Variants in ABCC1 observed in about 807,000 individuals in gnomAD.
ABCC1 encodes the protein ATP binding cassette subfamily C member 1 (ABCC1 blood group).
Under a neutral mutation model 172.9 loss-of-function variants are expected in ABCC1, and 83 were observed. The ratio of observed to expected loss-of-function variants is 0.48; its 90% CI spans 0.40 to 0.58. The LOEUF is 0.58. Ranked by LOEUF, ABCC1 falls within the 20% of genes least tolerant of loss-of-function variation. ABCC1 has a pLI of 0.00. For synonymous variants in ABCC1, 937 were observed against 825.2 expected, an observed-to-expected ratio of 1.14 and a Z score of -2.32; for missense variants, 1,817 against 2,002.7, an observed-to-expected ratio of 0.91 and a Z score of 1.77.
At chr16:16,041,661 G>A (rs1162904699) in intron 7 of ABCC1, among the ~76,000 whole-genome samples, 1 of 152,160 alleles carries the variant, frequency 6.6e-6, no homozygotes, top group African/African-American at 2.4e-5. Flanking sequence ...GTTAACCAGA[G>A]AAAGGAATGC....
chr16:16,131,629 G>T (rs573873160), intron 26 of ABCC1, among the ~76,000 whole-genome samples, 160 bp from the exon 27 acceptor site: 2 of 152,280 alleles, frequency 1.3e-5, no homozygotes, highest in East Asian at 3.9e-4. Flanking sequence ...ATGCAAGGGG[G>T]TCATTTGGGG....
intron 23 of ABCC1, among the ~76,000 whole-genome samples, chr16:16,121,425 TCAG>T (rs2045152079): frequency 6.6e-6 from 1 of 152,188 alleles, no homozygotes; most frequent in African/African-American, 2.4e-5. Flanking sequence ...ATATTGCCAG[TCAG>T]TAGTTGAGTC....
At chr16:15,964,469 T>A (rs2046202515) in intron 1 of ABCC1, among the ~76,000 whole-genome samples, 1 of 152,112 alleles carries the variant, frequency 6.6e-6, no homozygotes, top group East Asian at 1.9e-4. Context: ...CCTTCCCTAA[T>A]ATGTGGGGAT....
intron 17 of ABCC1, among the ~76,000 whole-genome samples, chr16:16,085,527 C>G (rs1034534110): frequency 1.3e-5 from 2 of 152,224 alleles, no homozygotes; most frequent in Non-Finnish European, 2.9e-5. Context: ...CGCCTATAAT[C>G]CCAGCACTTT....
chr16:15,986,053 G>C (rs1351784192), intron 1 of ABCC1, among the ~76,000 whole-genome samples: 4 of 151,804 alleles, frequency 2.6e-5, no homozygotes, highest in Non-Finnish European at 5.9e-5. Flanking sequence ...TCCTGCCTCA[G>C]CTTCCTGAGT....
intron 12 of ABCC1, among the ~76,000 whole-genome samples, chr16:16,058,086 C>CTTT (rs1468973169): frequency 6.6e-6 from 1 of 152,086 alleles, no homozygotes; most frequent in African/African-American, 2.4e-5. Context: ...AGTTCTGGTA[C>CTTT]CTGTCCTGGG....
chr16:16,095,245 A>G (rs1161974076), intron 19 of ABCC1: 1 of 152,228 alleles, frequency 6.6e-6, no homozygotes, highest in South Asian at 2.1e-4. Flanking sequence ...AGGGGAACAA[A>G]TTTTTAAGGG....
intron 1 of ABCC1, among the ~76,000 whole-genome samples, chr16:15,994,783 A>T (rs987117471): frequency 6.6e-6 from 1 of 151,194 alleles, no homozygotes; most frequent in Non-Finnish European, 1.5e-5. Context: ...TTTTTTTGCA[A>T]TATGAAGTCT....
chr16:16,104,649 A>G (rs1034875580), intron 20 of ABCC1, among the ~76,000 whole-genome samples: 7 of 152,186 alleles, frequency 4.6e-5, no homozygotes, highest in Non-Finnish European at 1.0e-4. Context: ...GCTGCCTGCC[A>G]GTCCCGTGCC....
chr16:16,001,197 G>A (rs902184211), intron 1 of ABCC1, among the ~76,000 whole-genome samples: 2 of 152,158 alleles, frequency 1.3e-5, no homozygotes, highest in Admixed American at 1.3e-4. Context: ...ATCACTGCAA[G>A]GGTTGGTTAT....
At chr16:16,026,705 C>G (rs558054815) in intron 5 of ABCC1, among the ~76,000 whole-genome samples, 1 of 151,860 alleles carries the variant, frequency 6.6e-6, no homozygotes, top group Admixed American at 6.6e-5. Flanking sequence ...CAGTTGAGGT[C>G]AGGAGTTCGA....
chr16:16,023,637 G>A (rs1030846796), intron 5 of ABCC1, among the ~76,000 whole-genome samples: 7 of 152,198 alleles, frequency 4.6e-5, no homozygotes, highest in African/African-American at 1.4e-4. Flanking sequence ...AGAGATGGAA[G>A]GTGGGTGGCA....
intron 1 of ABCC1, among the ~76,000 whole-genome samples, chr16:15,963,494 A>T (rs913489846): frequency 2.0e-5 from 3 of 152,098 alleles, no homozygotes; most frequent in African/African-American, 7.2e-5. Flanking sequence ...TAAAGGCTCC[A>T]CCCCTGCAGC....
chr16:16,045,943 A>G lies in ABCC1; in HGVS notation c.1148A>G (p.Gln383Arg). 1 of 1,614,192 alleles carries G rather than the reference A, an allele frequency of 6.2e-7. No homozygotes were observed. The highest frequency in any genetic ancestry group is 2.2e-5 in the East Asian group (1 of 44,884). The change falls in exon 9 of 31, where the codon CAG (glutamine) becomes CGG (arginine). Residue 383 changes from glutamine to arginine, a missense_variant. Around this residue, in one of 3 missense-constraint regions of ABCC1, gnomAD observed 1,412 missense variants for 1,600.3 expected, o/e 0.88. Transcript: ENST00000399410. ...TGCCTGCAGACCCTCGTGCTGCACC[A>G]GTACTTCCACATCTGCTTCGTCAGT... is the stretch of plus-strand genomic sequence containing the variant. ...TACLQTLVLH[Q>R]YFHICFVSGM... is the part of the protein sequence containing the mutation.
At position 16,014,579 on chromosome 16, in the gene ABCC1, T is replaced by C. The variant is rs2047922135; in HGVS notation, c.440T>C (p.Val147Ala). The C allele has an allele frequency of 3.7e-6, 6 of 1,613,990 alleles. No individual in the cohort carries two copies. The highest frequency in any genetic ancestry group is 5.1e-6 in the Non-Finnish European group (6 of 1,180,022). Reference sequence around the variant, plus strand: ...CTCACTTTCTGGCTGGTAGCCCTAGTGTGTGCCCTAGCCATCCTGAGATCC... The same window carrying C: ...CTCACTTTCTGGCTGGTAGCCCTAGCGTGTGCCCTAGCCATCCTGAGATCC... ...IMLTFWLVAL[V>A]CALAILRSKI... The change falls in exon 4 of 31, where the codon GTG (valine) becomes GCG (alanine). Residue 147 changes from valine to alanine, a missense_variant. By Grantham distance (64) the Val-to-Ala change is moderately conservative. Transcript: ENST00000399410.
Position 16,014,527 on chromosome 16 carries a change from A to G in ABCC1, c.388A>G (p.Lys130Glu). 1 of 1,614,050 alleles carries G rather than the reference A, an allele frequency of 6.2e-7. No homozygotes were observed. The highest frequency in any genetic ancestry group is 8.5e-7 in the Non-Finnish European group (1 of 1,180,010). Residue 130 changes from lysine to glutamate, a missense_variant, in exon 4 of 31, where the codon AAG becomes GAG. Physicochemically the swap from Lys to Glu is moderately conservative, Grantham distance 56. Coordinates refer to ENST00000399410, the MANE Select transcript of ABCC1 (RefSeq NM_004996.4). ...CTTTTTAATTCAGCTGGAGAGGAGGAAGGGAGTTCAGTCTTCAGGGATCAT... is the reference window on the plus strand; with the variant it reads ...CTTTTTAATTCAGCTGGAGAGGAGGGAGGGAGTTCAGTCTTCAGGGATCAT... ...ATFLIQLERRKGVQSSGIMLT... is the reference protein window; with the variant it reads ...ATFLIQLERREGVQSSGIMLT...
At chr16:15,953,987 C>T (rs998067915) in intron 1 of ABCC1, among the ~76,000 whole-genome samples, 18 of 148,734 alleles carry the variant, frequency 1.2e-4, no homozygotes, top group Non-Finnish European at 2.5e-4. Context: ...CCTACTTCCT[C>T]TGTTTTCCCC....
At chr16:15,971,322 A>G (rs955150078) in intron 1 of ABCC1, among the ~76,000 whole-genome samples, 1 of 152,184 alleles carries the variant, frequency 6.6e-6, no homozygotes, top group Non-Finnish European at 1.5e-5. Context: ...GGTGGCGGCC[A>G]TGTTGCTAGG....
Position 16,134,531 on chromosome 16 carries a change from G to C in ABCC1, c.4125+23G>C, listed in dbSNP as rs745819904. 2.5e-6 allele frequency: 4 copies of C among 1,613,304 alleles called. No individual in the cohort carries two copies. In the Admixed American group the frequency reaches 6.7e-5, roughly 27 times the overall value. ...CAGGTGGGGTCTGGGTGTGGCCCAGGGGGTGAGCCAGAGCTGGCAAGCCCT... is the reference window on the plus strand; with the variant it reads ...CAGGTGGGGTCTGGGTGTGGCCCAGCGGGTGAGCCAGAGCTGGCAAGCCCT... On this transcript the variant is annotated intron_variant, in intron 28 of 30. Coordinates refer to ENST00000399410, the MANE Select transcript of ABCC1 (RefSeq NM_004996.4).
Sources: gnomAD v4.1 joint callset for allele counts (sites outside exome capture counted in the v4.1 genomes callset) on GRCh38, gnomAD v4.1.1 for gene constraint, gnomAD v4.1.1 regional missense constraint, MANE v1.5 for transcripts, NCBI Gene and HGNC (gene_info 2026-07-23, HGNC 2026-07-21) for gene names.